SAXO1: variants seen among roughly 807,000 people sequenced by gnomAD.
SAXO1 encodes 4930500O09Rik.
SAXO1 carries 21 observed loss-of-function variants against 17.5 expected under a neutral mutation model. The ratio of observed to expected loss-of-function variants is 1.20; its 90% CI spans 0.85 to 1.72. The LOEUF (loss-of-function observed/expected upper bound fraction) is 1.72, where lower values mean the gene tolerates loss of function less well. Among genes scored for constraint, SAXO1 ranks in the 40% most tolerant of loss-of-function variants. The pLI is 0.00. For synonymous variants in SAXO1, 274 were observed against 216.5 expected (o/e 1.27, Z -2.33); for missense variants, 843 against 596.0 (o/e 1.41, Z -4.32).
chr9:18,957,895 A>G (rs1446458066), intron 1 of SAXO1, among the ~76,000 whole-genome samples: 1 of 152,178 alleles, frequency 6.6e-6, no homozygotes, highest in Non-Finnish European at 1.5e-5. Context: ...TGTATTTACT[A>G]AAAGTTTTTC....
chr9:19,020,058 C>G (rs1026255775), intron 1 of SAXO1, among the ~76,000 whole-genome samples: 2 of 150,598 alleles, frequency 1.3e-5, no homozygotes, highest in African/African-American at 4.9e-5. Context: ...TGGAAAGCAT[C>G]CTTCAGTTGT....
chr9:19,009,316 C>T (rs1259334558), intron 1 of SAXO1, among the ~76,000 whole-genome samples: 1 of 152,126 alleles, frequency 6.6e-6, no homozygotes, highest in African/African-American at 2.4e-5. Context: ...GTCACCCCAA[C>T]CATCACAGCA....
intron 1 of SAXO1, among the ~76,000 whole-genome samples, chr9:18,975,448 C>T (rs1833108228): frequency 6.6e-6 from 1 of 152,206 alleles, no homozygotes; most frequent in Admixed American, 6.5e-5. Flanking sequence ...ACACCCATTT[C>T]AGACAGCCCT....
chr9:19,024,696 C>T (rs1342966686), intron 1 of SAXO1, among the ~76,000 whole-genome samples: 1 of 152,120 alleles, frequency 6.6e-6, no homozygotes, highest in African/African-American at 2.4e-5. Flanking sequence ...AAGCCTTCCC[C>T]GGCTACCCCA....
At chr9:18,944,103 AG>A (rs11284158) in intron 2 of SAXO1, among the ~76,000 whole-genome samples, 18,097 of 151,762 alleles carry the variant, frequency 0.12, 1,314 homozygotes, top group African/African-American at 0.21. Context: ...CAAAGACAAA[AG>A]CCAATCGCCT....
intron 1 of SAXO1, among the ~76,000 whole-genome samples, chr9:19,039,746 G>C (rs1045600485): frequency 6.6e-6 from 1 of 151,822 alleles, no homozygotes; most frequent in Admixed American, 6.6e-5. Context: ...GCTTTTTTTT[G>C]AGATGAAGTC....
chr9:19,006,927 C>G (rs550723401), intron 1 of SAXO1, among the ~76,000 whole-genome samples: 1 of 152,112 alleles, frequency 6.6e-6, no homozygotes, highest in South Asian at 2.1e-4. Context: ...CACCTGTAAC[C>G]CCAGTTACTC....
chr9:19,036,113 G>A (rs187627312), upstream of SAXO1, among the ~76,000 whole-genome samples: 320 of 151,454 alleles, frequency 2.1e-3, no homozygotes, highest in Non-Finnish European at 3.0e-3. Context: ...CGGGGGGTAG[G>A]GGGCTGGGGG....
intron 1 of SAXO1, among the ~76,000 whole-genome samples, chr9:18,983,569 T>C (rs1833480281): frequency 6.6e-6 from 1 of 152,216 alleles, no homozygotes; most frequent in Non-Finnish European, 1.5e-5. Flanking sequence ...AAACCACTCT[T>C]TGCTCATCCA....
At chr9:19,024,177 T>C (rs1563988588) in intron 1 of SAXO1, among the ~76,000 whole-genome samples, 1 of 151,852 alleles carries the variant, frequency 6.6e-6, no homozygotes, top group Admixed American at 6.6e-5. Flanking sequence ...CGGCACGATC[T>C]CCTGCAGGCT....
chr9:18,983,051 T>A (rs1833460605), intron 1 of SAXO1, among the ~76,000 whole-genome samples: 1 of 151,882 alleles, frequency 6.6e-6, no homozygotes, highest in Non-Finnish European at 1.5e-5. Flanking sequence ...AGACGGACCA[T>A]TAGCAGAGAG....
chr9:19,027,624 G>A, intron 1 of SAXO1: 3 of 1,435,890 alleles, frequency 2.1e-6, no homozygotes, highest in Middle Eastern at 2.0e-4. Flanking sequence ...ACTGGAGATG[G>A]TGCCAAGCTA....
intron 1 of SAXO1, among the ~76,000 whole-genome samples, chr9:18,985,989 G>A (rs1418673513): frequency 2.0e-5 from 3 of 152,166 alleles, no homozygotes; most frequent in South Asian, 4.1e-4. Flanking sequence ...CCTAGAGACA[G>A]TAATCAAAGC....
rs1021609594 is a variant in SAXO1 at position 18,949,469 on chromosome 9, T to A, written c.218+1289A>T. Among the ~76,000 whole-genome samples the A allele has an allele frequency of 4.6e-5, 7 of 151,704 alleles. 1 individual carries two copies. Among genetic ancestry groups the A allele is most frequent in the African/African-American group, 7.3e-5 (3 of 41,064 alleles). ...GAAACCTTGTTTTAAAAAAAAAATT[T>A]TTTTTAAGTGGCCTGATTCAAGTCA... On this transcript the variant is annotated intron_variant, in intron 2 of 3. Transcript: ENST00000380534.
At chr9:19,004,430 G>A (rs992817915) in intron 1 of SAXO1, among the ~76,000 whole-genome samples, 3 of 152,012 alleles carry the variant, frequency 2.0e-5, no homozygotes, top group Non-Finnish European at 4.4e-5. Flanking sequence ...TGTTTATTGC[G>A]GCACTATTCA....
chr9:18,963,113 A>C (rs143635341), intron 1 of SAXO1, among the ~76,000 whole-genome samples: 1 of 151,970 alleles, frequency 6.6e-6, no homozygotes. Flanking sequence ...GGTTGTAGAT[A>C]TGTGGTGTTA....
At chr9:18,958,629 G>A (rs899733949) in intron 1 of SAXO1, among the ~76,000 whole-genome samples, 4 of 152,030 alleles carry the variant, frequency 2.6e-5, no homozygotes, top group Non-Finnish European at 5.9e-5. Flanking sequence ...GAAGGATTAA[G>A]AGGCTACCAC....
At chr9:19,019,906 G>C (rs1293347613) in intron 1 of SAXO1, among the ~76,000 whole-genome samples, 2 of 151,828 alleles carry the variant, frequency 1.3e-5, no homozygotes, top group African/African-American at 2.4e-5. Context: ...GTAAACTACA[G>C]CATTCAAATA....
intron 3 of SAXO1, among the ~76,000 whole-genome samples, chr9:18,936,173 C>G (rs1300001326): frequency 6.6e-6 from 1 of 152,164 alleles, no homozygotes; most frequent in East Asian, 1.9e-4. Context: ...CCCCCTCATC[C>G]ACCAGCACGC....
Sources: allele counts gnomAD v4.1 joint callset (sites outside exome capture counted in the v4.1 genomes callset), GRCh38; gene constraint gnomAD v4.1.1; transcripts MANE v1.5; gene names NCBI Gene and HGNC (gene_info 2026-07-23, HGNC 2026-07-21).